CRB1: variants seen among roughly 807,000 people sequenced by gnomAD.
CRB1 encodes protein crumbs homolog 1.
Under a neutral mutation model 120.0 loss-of-function variants are expected in CRB1, and 83 were observed. The ratio of observed to expected loss-of-function variants is 0.69; its 90% CI spans 0.58 to 0.83. The LOEUF (loss-of-function observed/expected upper bound fraction) is 0.83. CRB1 is among the 40% of genes least tolerant of loss of function. CRB1 has a pLI of 0.00. For synonymous variants in CRB1, 625 were observed against 612.5 expected (o/e 1.02, Z -0.30); for missense variants, 1,699 against 1,687.6 (o/e 1.01, Z -0.12).
At chr1:197,396,445 GA>G (rs1376501173) in intron 5 of CRB1, among the ~76,000 whole-genome samples, 1 of 151,976 alleles carries the variant, frequency 6.6e-6, no homozygotes, top group Non-Finnish European at 1.5e-5. Flanking sequence ...ATATCAATAG[GA>G]TTTTTTTTTG....
Position 197,427,825 on chromosome 1 carries a change from G to A in CRB1, c.2500G>A (p.Gly834Ser). 1 of 1,613,986 alleles carries A rather than the reference G, an allele frequency of 6.2e-7. No homozygotes were observed. Among genetic ancestry groups the A allele is most frequent in the South Asian group, 1.1e-5 (1 of 91,080 alleles). ...IEKGDVIYIG[G>S]LPDKQETELN... ...AAAGGGAGATGTCATCTACATTGGT[G>A]GCCTACCTGACAAGCAAGAGACTGA... Residue 834 changes from glycine to serine, a missense_variant, in exon 7 of 12, where the codon GGC becomes AGC. Physicochemically the swap from Gly to Ser is moderately conservative, Grantham distance 56. Transcript: ENST00000367400.
intron 4 of CRB1, among the ~76,000 whole-genome samples, chr1:197,354,020 TA>T (rs869086277): frequency 0.049 from 5,683 of 116,136 alleles, 99 homozygotes; most frequent in Middle Eastern, 0.078. Flanking sequence ...TATGAAATGG[TA>T]AAAAAAAAAA....
chr1:197,220,478 A>T, the CRB1 span, among the ~76,000 whole-genome samples: 5 of 152,194 alleles, frequency 3.3e-5, no homozygotes, highest in African/African-American at 1.2e-4. Context: ...AGATGAGACA[A>T]GATCCAAGGA....
At chr1:197,403,457 C>T (rs1456204001) in intron 5 of CRB1, among the ~76,000 whole-genome samples, 1 of 152,130 alleles carries the variant, frequency 6.6e-6, no homozygotes, top group East Asian at 1.9e-4. Flanking sequence ...TAGGTAGAGA[C>T]ATCAGGGGGA....
At chr1:197,213,997 A>G in the CRB1 span, among the ~76,000 whole-genome samples, 1 of 152,280 alleles carries the variant, frequency 6.6e-6, no homozygotes, top group Admixed American at 6.5e-5. Context: ...AGCTAAGCCT[A>G]AGGTTAGTTT....
At chr1:197,262,192 G>A in the CRB1 span, among the ~76,000 whole-genome samples, 1 of 152,154 alleles carries the variant, frequency 6.6e-6, no homozygotes, top group Middle Eastern at 3.4e-3. Flanking sequence ...ACAAATGCTT[G>A]TACATTAATA....
At chr1:197,222,298 T>G in the CRB1 span, 2 of 662,810 alleles carry the variant, frequency 3.0e-6, no homozygotes, top group Admixed American at 3.8e-5. Flanking sequence ...TCTGTTATTT[T>G]CAGAAATGGA....
chr1:197,376,053 G>A (rs1661629397), intron 5 of CRB1, among the ~76,000 whole-genome samples: 1 of 152,088 alleles, frequency 6.6e-6, no homozygotes, highest in Non-Finnish European at 1.5e-5. Flanking sequence ...CTGACCTGCT[G>A]GATATAATTT....
At chr1:197,418,622 C>T (rs1664129099) in intron 5 of CRB1, among the ~76,000 whole-genome samples, 1 of 152,054 alleles carries the variant, frequency 6.6e-6, no homozygotes, top group Non-Finnish European at 1.5e-5. Context: ...GTCAGATTAA[C>T]ATTTCATACG....
At chr1:197,285,709 G>A (rs1655786929) in intron 1 of CRB1, among the ~76,000 whole-genome samples, 1 of 151,864 alleles carries the variant, frequency 6.6e-6, no homozygotes, top group Admixed American at 6.6e-5. Context: ...CTGTGGTGTG[G>A]TGAAGCATTC....
the CRB1 span, among the ~76,000 whole-genome samples, chr1:197,234,898 G>C: frequency 6.6e-6 from 1 of 152,212 alleles, no homozygotes; most frequent in Non-Finnish European, 1.5e-5. Context: ...CTATAGTGCA[G>C]AAATGGGCAC....
intron 11 of CRB1, chr1:197,443,704 T>A (rs1558145450): frequency 6.6e-6 from 1 of 151,906 alleles, no homozygotes. Context: ...TTTTTTAAAA[T>A]AAATGTATAC....
intron 11 of CRB1, among the ~76,000 whole-genome samples, chr1:197,466,226 T>C (rs1412880456): frequency 1.3e-5 from 2 of 152,220 alleles, no homozygotes; most frequent in Non-Finnish European, 2.9e-5. Context: ...GACGATGCAT[T>C]GGCTCTGCTC....
chr1:197,348,055 CA>C (rs1414087297), intron 4 of CRB1, among the ~76,000 whole-genome samples: 1 of 152,162 alleles, frequency 6.6e-6, no homozygotes, highest in Non-Finnish European at 1.5e-5. Flanking sequence ...TTTTGCAAAA[CA>C]AACTGCCTGA....
chr1:197,378,083 TA>T (rs1222240536), intron 5 of CRB1, among the ~76,000 whole-genome samples: 2 of 152,224 alleles, frequency 1.3e-5, no homozygotes, highest in African/African-American at 4.8e-5. Flanking sequence ...TGTTGACATG[TA>T]AGTTTTCTGG....
chr1:197,369,835 G>A (rs1553254259), intron 5 of CRB1, among the ~76,000 whole-genome samples: 2 of 152,004 alleles, frequency 1.3e-5, no homozygotes, highest in Non-Finnish European at 2.9e-5. Flanking sequence ...TTTTCTAAAT[G>A]TTTCCTTCAC....
At chr1:197,254,489 G>GT in the CRB1 span, among the ~76,000 whole-genome samples, 2 of 151,922 alleles carry the variant, frequency 1.3e-5, no homozygotes, top group Non-Finnish European at 2.9e-5. Flanking sequence ...AACAGAATAT[G>GT]TTTTTTTCAT....
intron 11 of CRB1, among the ~76,000 whole-genome samples, chr1:197,476,644 G>A (rs545689942): frequency 8.5e-5 from 13 of 152,052 alleles, no homozygotes; most frequent in African/African-American, 2.7e-4. Context: ...AGACACAGGG[G>A]ACAATAAAAA....
chr1:197,371,282 C>A (rs1397811636), intron 5 of CRB1, among the ~76,000 whole-genome samples: 1 of 152,154 alleles, frequency 6.6e-6, no homozygotes, highest in Non-Finnish European at 1.5e-5. Flanking sequence ...TCCACACTTA[C>A]AACCAATTTG....
Sources: gnomAD v4.1 joint callset for allele counts (sites outside exome capture counted in the v4.1 genomes callset) on GRCh38, gnomAD v4.1.1 for gene constraint, MANE v1.5 for transcripts, NCBI Gene and HGNC (gene_info 2026-07-23, HGNC 2026-07-21) for gene names.